Variants in PALLD observed in about 807,000 individuals in gnomAD.
PALLD encodes the protein palladin, cytoskeletal associated protein.
In PALLD, 61 loss-of-function variants were observed where a neutral mutation model predicts 123.5. The observed-to-expected ratio is 0.49, with a 90% CI of 0.40 to 0.61. The LOEUF (loss-of-function observed/expected upper bound fraction) is 0.61, where lower values mean the gene tolerates loss of function less well. Ranked by LOEUF, PALLD falls within the 20% of genes least tolerant of loss-of-function variation. The pLI, the probability that PALLD is intolerant of heterozygous loss-of-function variation, is 0.00. For missense variants in PALLD, 1,273 were observed against 1,377.0 expected (o/e 0.92, Z 1.20); for synonymous variants, 465 against 496.4 (o/e 0.94, Z 0.84).
chr4:168,583,365 T>C (rs1259844871), intron 2 of PALLD, among the ~76,000 whole-genome samples: 4 of 152,182 alleles, frequency 2.6e-5, no homozygotes, highest in African/African-American at 7.2e-5. Flanking sequence ...AGATCAGTGC[T>C]TCTCAAACAT....
chr4:168,717,332 G>A (rs1177663131), intron 10 of PALLD, among the ~76,000 whole-genome samples: 3 of 151,708 alleles, frequency 2.0e-5, no homozygotes, highest in Non-Finnish European at 2.9e-5. Flanking sequence ...TCTGCCTAAC[G>A]TTCTTTTTTT....
intron 10 of PALLD, among the ~76,000 whole-genome samples, chr4:168,856,467 A>G (rs1327734869): frequency 1.3e-5 from 2 of 152,196 alleles, no homozygotes; most frequent in Non-Finnish European, 2.9e-5. Context: ...CCCACCAACA[A>G]TGTATAAGCA....
Position 168,625,502 on chromosome 4 carries a change from G to GATATATATATATATATATATATAT in PALLD, c.909-42672_909-42671insATATATATATATATATATATATAT, listed in dbSNP as rs756984622. Among the ~76,000 whole-genome samples the GATATATATATATATATATATATAT allele has an allele frequency of 6.2e-4, 71 of 114,432 alleles. 1 individual carries two copies. Among genetic ancestry groups the GATATATATATATATATATATATAT allele is most frequent in the African/African-American group, 2.0e-3 (59 of 29,996 alleles). 75.1% of individuals were successfully genotyped at this position (114,432 alleles called of 152,430 possible). ...TCCAATAAGGGATTAATATCCAGGA[G>GATATATATATATATATATATATAT]ATATATATATATATATCCTATAAGG... On this transcript the variant is annotated intron_variant, in intron 2 of 21. Coordinates refer to ENST00000505667, the MANE Select transcript of PALLD (RefSeq NM_001166108.2).
chr4:168,650,841 A>G (rs1777968643), intron 2 of PALLD, among the ~76,000 whole-genome samples: 1 of 152,138 alleles, frequency 6.6e-6, no homozygotes, highest in Non-Finnish European at 1.5e-5. Context: ...ATATGTGTAT[A>G]ACAGTATTAC....
intron 2 of PALLD, among the ~76,000 whole-genome samples, chr4:168,630,560 T>C (rs1461318185): frequency 6.6e-6 from 1 of 152,234 alleles, no homozygotes; most frequent in African/African-American, 2.4e-5. Context: ...CTGTTTGCAC[T>C]ATCTCTACTA....
chr4:168,641,853 A>G (rs1276091583), intron 2 of PALLD, among the ~76,000 whole-genome samples: 1 of 152,222 alleles, frequency 6.6e-6, no homozygotes, highest in Non-Finnish European at 1.5e-5. Flanking sequence ...CCAGAGAGGC[A>G]TAGTGGTTCT....
At chr4:168,906,774 G>C (rs1487155301) in intron 15 of PALLD, among the ~76,000 whole-genome samples, 1 of 151,944 alleles carries the variant, frequency 6.6e-6, no homozygotes, top group African/African-American at 2.4e-5. Flanking sequence ...ACAAGCGTGA[G>C]CCACTGCCAT....
chr4:168,575,991 T>TAATC (rs772852075), intron 2 of PALLD, among the ~76,000 whole-genome samples: 19 of 152,120 alleles, frequency 1.2e-4, no homozygotes, highest in Admixed American at 3.9e-4. Flanking sequence ...CTATTACAGG[T>TAATC]AATCCATAGT....
At chr4:168,801,426 A>C (rs930135752) in intron 10 of PALLD, among the ~76,000 whole-genome samples, 5 of 151,998 alleles carry the variant, frequency 3.3e-5, no homozygotes, top group East Asian at 3.9e-4. Flanking sequence ...TTATAGGCGC[A>C]TGCCACCACA....
intron 2 of PALLD, among the ~76,000 whole-genome samples, chr4:168,660,944 A>G (rs1367234718): frequency 2.7e-5 from 4 of 149,146 alleles, no homozygotes; most frequent in Non-Finnish European, 3.0e-5. Flanking sequence ...TCGCTCTGTC[A>G]CCCAGGCTGG....
At chr4:168,720,244 T>A (rs1428357694) in intron 10 of PALLD, among the ~76,000 whole-genome samples, 2 of 152,240 alleles carry the variant, frequency 1.3e-5, no homozygotes, top group East Asian at 3.8e-4. Context: ...TGTAGAAGAA[T>A]GGCCAATCCC....
intron 2 of PALLD, among the ~76,000 whole-genome samples, chr4:168,622,047 C>G (rs1315574458): frequency 1.3e-5 from 2 of 152,132 alleles, no homozygotes; most frequent in African/African-American, 4.8e-5. Flanking sequence ...AAAATTCTTC[C>G]AGTCACTCCT....
At chr4:168,746,380 CAAAAA>C (rs747755592) in intron 10 of PALLD, among the ~76,000 whole-genome samples, 1,286 of 36,770 alleles carry the variant, frequency 0.035, 12 homozygotes, top group African/African-American at 0.096. Context: ...GAACCCGTCT[CAAAAA>C]AAAAAAAAAA....
chr4:168,542,457 A>T (rs1765711008), intron 2 of PALLD, among the ~76,000 whole-genome samples: 1 of 151,604 alleles, frequency 6.6e-6, no homozygotes, highest in East Asian at 1.9e-4. Flanking sequence ...CACCCTATTA[A>T]CAATTATTGT....
intron 15 of PALLD, among the ~76,000 whole-genome samples, chr4:168,905,138 G>GTTTTTTGTTTTTTTTTTTT (rs1560894892): frequency 2.9e-5 from 1 of 34,524 alleles, no homozygotes; most frequent in Admixed American, 2.8e-4. Flanking sequence ...TGTTTTGTTG[G>GTTTTTTGTTTTTTTTTTTT]TTTTTTTTTT....
intron 2 of PALLD, among the ~76,000 whole-genome samples, chr4:168,605,284 C>A (rs937400552): frequency 2.6e-5 from 4 of 151,942 alleles, no homozygotes; most frequent in Admixed American, 2.6e-4. Context: ...CTAGACCCCA[C>A]CCTGGACCAA....
intron 10 of PALLD, among the ~76,000 whole-genome samples, chr4:168,761,645 GTTTTTTTTTTTTTT>G (rs70961555): frequency 0.053 from 4,633 of 88,162 alleles, 310 homozygotes; most frequent in African/African-American, 0.15. Flanking sequence ...GTTGTTGTTT[GTTTTTTTTTTTTTT>G]TTTTTTTTTT....
At chr4:168,658,874 T>C (rs555831886) in intron 2 of PALLD, among the ~76,000 whole-genome samples, 8 of 152,332 alleles carry the variant, frequency 5.3e-5, no homozygotes, top group African/African-American at 1.7e-4. Flanking sequence ...TTGGTCTCTT[T>C]GGGGCCATAA....
Position 168,903,626 on chromosome 4 carries a change from G to A in PALLD, c.2473-131G>A, listed in dbSNP as rs1757018599. ...CAGTGAAAAATCAATTCCTTAGTCA[G>A]GTATTTGGTTTAACATTTTAACATG... On this transcript the variant is annotated intron_variant, in intron 14 of 21. Transcript: ENST00000505667. 6 of 733,718 alleles carry A rather than the reference G, an allele frequency of 8.2e-6. No individual in the cohort carries two copies. In the East Asian group the frequency reaches 1.1e-4, roughly 13 times the overall value. The allele number at this position is 733,718 out of a possible 1,614,324, so 45.5% of individuals were successfully genotyped here.
Sources: gnomAD v4.1 joint callset for allele counts (sites outside exome capture counted in the v4.1 genomes callset) on GRCh38, gnomAD v4.1.1 for gene constraint, MANE v1.5 for transcripts, NCBI Gene and HGNC (gene_info 2026-07-23, HGNC 2026-07-21) for gene names.